Variants in RUBCNL observed in about 807,000 individuals in gnomAD.
The protein encoded by RUBCNL is protein associated with UVRAG as autophagy enhancer.
In RUBCNL, 62 loss-of-function variants were observed where a neutral mutation model predicts 69.5. That is an observed-to-expected ratio of 0.89 (90% CI 0.73 to 1.10). The LOEUF (loss-of-function observed/expected upper bound fraction) is 1.10. Among genes scored for constraint, RUBCNL ranks in the 50% least tolerant of loss-of-function variants. RUBCNL has a pLI of 0.00. For missense variants in RUBCNL, 768 were observed against 798.1 expected (o/e 0.96, Z 0.45); for synonymous variants, 291 against 303.6 (o/e 0.96, Z 0.43).
At position 46,363,181 on chromosome 13, in the gene RUBCNL, C is replaced by A; in HGVS notation, c.859G>T (p.Glu287Ter). ...CAVLQVSPVT[E>*]TRTYHDVKEI... ...TTCACATCATGGTAAGTACGTGTTTCAGTCACTGGGCTGACCTGTAACACA... is the reference window on the plus strand; with the variant it reads ...TTCACATCATGGTAAGTACGTGTTTAAGTCACTGGGCTGACCTGTAACACA... Residue 287 changes from glutamate to a stop codon, truncating the protein, a stop_gained, in exon 6 of 15, where the codon GAA becomes TAA. Transcript: ENST00000429979. LOFTEE classifies it high-confidence loss of function. 1 of 1,598,408 alleles carries A rather than the reference C, an allele frequency of 6.3e-7. No homozygotes were observed. The highest frequency in any genetic ancestry group is 8.5e-7 in the Non-Finnish European group (1 of 1,172,296).
Position 46,340,278 on chromosome 13 carries a change from A to T in RUBCNL, c.*3107T>A, listed in dbSNP as rs181430675. On this transcript the variant is annotated 3_prime_UTR_variant, in exon 15 of 15. Transcript: ENST00000429979. ...CATATTCTTTCATGGGACACAATTCAACCCACAACAGTAGCTATTGTTCTA... is the reference window on the plus strand; with the variant it reads ...CATATTCTTTCATGGGACACAATTCTACCCACAACAGTAGCTATTGTTCTA... 6.6e-6 allele frequency among the ~76,000 whole-genome samples: 1 copy of T among 152,318 alleles called. No homozygotes were observed. Among genetic ancestry groups the T allele is most frequent in the East Asian group, 1.9e-4 (1 of 5,188 alleles).
chr13:46,372,737 T>A, intron 2 of RUBCNL, 140 bp from the exon 3 acceptor site: 1 of 583,480 alleles, frequency 1.7e-6, no homozygotes, highest in Non-Finnish European at 2.6e-6. Flanking sequence ...CGCTTGGATT[T>A]ATAAGTGAAA....
Position 46,368,095 on chromosome 13 carries a change from G to GT in RUBCNL, c.772dup (p.Thr258AsnfsTer18). ...AGACCCAGACTCTTGCTTTATGTTG[G>GT]TATCAAAAGTCATTTCAGAGTCAGG... On this transcript the variant is annotated frameshift_variant, in exon 5 of 15. Coordinates refer to ENST00000429979, the MANE Select transcript of RUBCNL (RefSeq NM_025113.5). LOFTEE classifies it high-confidence loss of function. The GT allele has an allele frequency of 1.9e-6, 3 of 1,613,892 alleles. No individual in the cohort carries two copies. Among genetic ancestry groups the GT allele is most frequent in the East Asian group, 2.2e-5 (1 of 44,868 alleles).
chr13:46,345,195 GGCAGAGTGGGCCCTGA>G (rs2048219136), intron 13 of RUBCNL, among the ~76,000 whole-genome samples: 1 of 152,106 alleles, frequency 6.6e-6, no homozygotes, highest in South Asian at 2.1e-4. Context: ...GGTGCATCAG[GGCAGAGTGGGCCCTGA>G]GCAGAACTGG....
chr13:46,382,959 T>C (rs190845650), intron 1 of RUBCNL, among the ~76,000 whole-genome samples: 2 of 152,372 alleles, frequency 1.3e-5, no homozygotes, highest in African/African-American at 4.8e-5. Context: ...TTTAGAAATA[T>C]ATATACAGAA....
chr13:46,362,943 T>C (rs1237444837), intron 6 of RUBCNL, among the ~76,000 whole-genome samples, 172 bp downstream of exon 6: 2 of 56,740 alleles, frequency 3.5e-5, no homozygotes, highest in African/African-American at 1.4e-4. Context: ...TATATAGATA[T>C]ATATATATAT....
chr13:46,343,241 A>T lies in RUBCNL; in HGVS notation c.*144T>A. 8.1e-7 allele frequency: 1 copy of T among 1,239,244 alleles called. No homozygotes were observed. Among genetic ancestry groups the T allele is most frequent in the Non-Finnish European group, 1.1e-6 (1 of 894,512 alleles). The allele number at this position is 1,239,244 out of a possible 1,614,324, so 76.8% of individuals were successfully genotyped here. A position where few individuals can be genotyped will look rare whatever the true frequency, so the allele number is the denominator to read the frequency against. On this transcript the variant is annotated 3_prime_UTR_variant, in exon 15 of 15. Transcript: ENST00000429979. ...AGAATCTGCATTCTTTTGAAACATT[A>T]AGTATATGCAATAAAGAGAATATAG...
rs962037811 is a variant in RUBCNL, at chr13:46,378,358, G to A, written c.-238-353C>T. 2.6e-5 allele frequency: 4 copies of A among 155,686 alleles called. No homozygotes were observed. In the South Asian group the frequency reaches 7.2e-4, roughly 28 times the overall value. The allele number at this position is 155,686 out of a possible 1,614,324, so 9.6% of individuals were successfully genotyped here. Reference sequence around the variant, plus strand: ...TACTTCCTGCCACTGTCACAAAGGGGGTCCTTTGAATCAGAGATACTTAGG... The same window carrying A: ...TACTTCCTGCCACTGTCACAAAGGGAGTCCTTTGAATCAGAGATACTTAGG... On this transcript the variant is annotated intron_variant, in intron 1 of 14. Coordinates refer to ENST00000429979, the MANE Select transcript of RUBCNL (RefSeq NM_025113.5).
At chr13:46,388,017 G>C (rs2049287151), upstream of RUBCNL, 2 of 177,744 alleles carry the variant, frequency 1.1e-5, no homozygotes, top group African/African-American at 4.8e-5. Context: ...TTCGAGACCA[G>C]CCTGGCCAAC....
rs549546563 is a variant in RUBCNL, at chr13:46,377,779, A to G, written c.-123+111T>C. The G allele has an allele frequency of 3.3e-4, 184 of 563,802 alleles. 2 individuals carry two copies. In the South Asian group the frequency reaches 3.7e-3, roughly 11 times the overall value. 34.9% of individuals were successfully genotyped at this position (563,802 alleles called of 1,614,324 possible). A position where few individuals can be genotyped will look rare whatever the true frequency, so the allele number is the denominator to read the frequency against. On this transcript the variant is annotated intron_variant, in intron 2 of 14. Transcript: ENST00000429979. ...AGCAGGTGCTGCTTTGCCAGGTTAT[A>G]AAATCAAAGCATTGAGAGTTAGAAT... is the stretch of plus-strand genomic sequence containing the variant.
chr13:46,389,187 G>A (rs1257230934), upstream of RUBCNL, among the ~76,000 whole-genome samples: 1 of 152,114 alleles, frequency 6.6e-6, no homozygotes, highest in Non-Finnish European at 1.5e-5. The surrounding 1 kb of genome is among the most constrained non-coding windows in gnomAD (Gnocchi z 4.2). Flanking sequence ...CAAATCATTT[G>A]TTCCCATTTC....
chr13:46,372,595 A>G lies in RUBCNL; in HGVS notation c.-120T>C. ...TGGCCAGCTGGGGGTCTGGAGAGCT[A>G]TTCTGCAATGAGCAAGGAATCATTC... On this transcript the variant is annotated splice_region_variant and 5_prime_UTR_variant, in exon 3 of 15. It removes the in-frame stop codon of an upstream open reading frame in the 5' UTR. Transcript: ENST00000429979. 1.4e-6 allele frequency: 2 copies of G among 1,451,024 alleles called. No homozygotes were observed. The highest frequency in any genetic ancestry group is 1.8e-6 in the Non-Finnish European group (2 of 1,103,146). 89.9% of individuals were successfully genotyped at this position (1,451,024 alleles called of 1,614,324 possible).
chr13:46,368,079 C>T lies in RUBCNL; in HGVS notation c.789G>A (p.Glu263=). The part of the protein sequence containing the change: ...EMTFDTNIKQ[E]SGSSTSSYSG... ...TGTATGAAGAAGTAGAAGACCCAGA[C>T]TCTTGCTTTATGTTGGTATCAAAAG... Residue 263 remains glutamate, a synonymous_variant, in exon 5 of 15, where the codon GAG becomes GAA. Transcript: ENST00000429979. 7 of 1,613,982 alleles carry T rather than the reference C, an allele frequency of 4.3e-6. No homozygotes were observed. The highest frequency in any genetic ancestry group is 5.9e-6 in the Non-Finnish European group (7 of 1,179,882).
chr13:46,368,675 A>G, intron 4 of RUBCNL, 58 bp downstream of exon 4: 1 of 1,470,980 alleles, frequency 6.8e-7, no homozygotes, highest in Non-Finnish European at 9.4e-7. Context: ...TTAAATCAGA[A>G]CAACACTATC....
chr13:46,367,585 A>G (rs1325453567), intron 5 of RUBCNL, among the ~76,000 whole-genome samples: 1 of 152,166 alleles, frequency 6.6e-6, no homozygotes, highest in African/African-American at 2.4e-5. Flanking sequence ...AGGATTACAG[A>G]GGTTACTCAA....
At chr13:46,361,689 T>C (rs975736715) in intron 7 of RUBCNL, 116 bp from the exon 8 acceptor site, 6 of 1,015,110 alleles carry the variant, frequency 5.9e-6, no homozygotes, top group Non-Finnish European at 8.6e-6. Context: ...GAGGCTGTCA[T>C]ATGAGATGAC....
At chr13:46,347,640 G>C (rs557840812) in intron 12 of RUBCNL, among the ~76,000 whole-genome samples, 1 of 152,196 alleles carries the variant, frequency 6.6e-6, no homozygotes, top group East Asian at 1.9e-4. Context: ...TGGATGAATA[G>C]ATGGATTAAA....
Position 46,368,025 on chromosome 13 carries a change from A to C in RUBCNL, c.826+17T>G. On this transcript the variant is annotated intron_variant, in intron 5 of 14. Transcript: ENST00000429979. ...GAAACACATAACATACAGCTTTCTC[A>C]TATTTGCCCAACTTGCCTTCATAGC... 1 of 1,611,032 alleles carries C rather than the reference A, an allele frequency of 6.2e-7. No homozygotes were observed. Among genetic ancestry groups the C allele is most frequent in the South Asian group, 1.1e-5 (1 of 91,012 alleles).
In RUBCNL at chr13:46,353,121, T is replaced by C. The variant is rs1255415526; in HGVS notation, c.1331-2770A>G. Among the ~76,000 whole-genome samples the C allele has an allele frequency of 3.3e-5, 5 of 152,200 alleles. No individual in the cohort carries two copies. The East Asian group carries it at 9.6e-4, about 29-fold the overall frequency. ...CCCACTCCTCCTCCGCTGCATTCGA[T>C]GGTGGGAAAGGGAGAGGGAGCTAAC... is the stretch of plus-strand genomic sequence containing the variant. On this transcript the variant is annotated intron_variant, in intron 10 of 14. Transcript: ENST00000429979.
Sources: gnomAD v4.1 joint callset for allele counts (sites outside exome capture counted in the v4.1 genomes callset) on GRCh38, gnomAD v4.1.1 for gene constraint, Gnocchi (gnomAD v3.1) non-coding constraint, MANE v1.5 for transcripts, NCBI Gene and HGNC (gene_info 2026-07-23, HGNC 2026-07-21) for gene names.